The following P2RX7 variants were observed in gnomAD, a reference collection of about 807,000 sequenced individuals.
P2RX7 encodes P2X purinoceptor 7.
A neutral mutation model predicts 71.6 loss-of-function variants in P2RX7; 62 were observed. The observed-to-expected ratio is 0.87, with a 90% CI of 0.71 to 1.07. P2RX7 has a LOEUF of 1.07. Among genes scored for constraint, P2RX7 ranks in the 50% least tolerant of loss-of-function variants. The pLI is 0.00. For synonymous variants in P2RX7, 299 were observed against 283.3 expected (o/e 1.06, Z -0.56); for missense variants, 686 against 748.5 (o/e 0.92, Z 0.97).
intron 1 of P2RX7, among the ~76,000 whole-genome samples, chr12:121,153,404 G>A (rs1877871417): frequency 6.6e-6 from 1 of 152,076 alleles, no homozygotes; most frequent in South Asian, 2.1e-4. Context: ...AGGGCTGGGT[G>A]TGGTGGCTCA....
chr12:121,178,380 T>A (rs1883514528), intron 11 of P2RX7, among the ~76,000 whole-genome samples: 1 of 152,214 alleles, frequency 6.6e-6, no homozygotes, highest in South Asian at 2.1e-4. Flanking sequence ...GGCAAACATT[T>A]ACACAGCACT....
chr12:121,174,745 T>G (rs1472087813), intron 8 of P2RX7, among the ~76,000 whole-genome samples: 2 of 152,068 alleles, frequency 1.3e-5, no homozygotes, highest in East Asian at 3.9e-4. Context: ...GCTTGAAGTT[T>G]TTTTTTTTTA....
rs751583170 is a variant in P2RX7 at position 121,184,608 on chromosome 12, C to T, written c.1594C>T (p.Pro532Ser). The change falls in exon 13 of 13, where the codon CCC (proline) becomes TCC (serine). Residue 532 changes from proline (P) to serine (S), a missense_variant. Coordinates refer to ENST00000328963, the MANE Select transcript of P2RX7 (RefSeq NM_002562.6). ...VLQFLLLYQE[P>S]LLALDVDSTN... ...GCAGTTCCTCCTGCTCTACCAGGAG[C>T]CCTTGCTGGCGCTGGATGTGGATTC... is the stretch of plus-strand genomic sequence containing the variant. 3 of 1,613,156 alleles carry T rather than the reference C, an allele frequency of 1.9e-6. No individual in the cohort carries two copies. The highest frequency in any genetic ancestry group is 1.1e-5 in the South Asian group (1 of 90,924).
At chr12:121,175,310 CAAAAAAA>C in intron 8 of P2RX7, 71 bp from the exon 9 acceptor site, 1 of 463,340 alleles carries the variant, frequency 2.2e-6, no homozygotes, top group Non-Finnish European at 3.6e-6. Context: ...GACCCTGTCT[CAAAAAAA>C]AAAAAAAAAA....
At chr12:121,171,862 C>CTTTCT (rs1555228404) in intron 8 of P2RX7, among the ~76,000 whole-genome samples, 10,949 of 131,032 alleles carry the variant, frequency 0.084, 559 homozygotes, top group Non-Finnish European at 0.094. Flanking sequence ...TTCTTTCTTT[C>CTTTCT]TTTTTTTTTT....
intron 1 of P2RX7, among the ~76,000 whole-genome samples, chr12:121,152,335 T>C (rs1444746564): frequency 6.6e-6 from 1 of 152,042 alleles, no homozygotes; most frequent in Non-Finnish European, 1.5e-5. Context: ...ATTATTTTAT[T>C]ATTATTTTTT....
In P2RX7 at chr12:121,184,875, G is replaced by A. The variant is rs887887878; in HGVS notation, c.*73G>A. 2.1e-5 allele frequency: 26 copies of A among 1,217,966 alleles called. No individual in the cohort carries two copies. Among genetic ancestry groups the A allele is most frequent in the East Asian group, 1.8e-4 (7 of 38,974 alleles). 75.4% of individuals were successfully genotyped at this position (1,217,966 alleles called of 1,614,324 possible). A position where few individuals can be genotyped will look rare whatever the true frequency, so the allele number is the denominator to read the frequency against. Reference sequence around the variant, plus strand: ...CGAGGCAGGCAGATCACCTGAGGTCGGGAGTTGGAGACCCGCCTGGCTAAC... The same window carrying A: ...CGAGGCAGGCAGATCACCTGAGGTCAGGAGTTGGAGACCCGCCTGGCTAAC... On this transcript the variant is annotated 3_prime_UTR_variant, in exon 13 of 13. Coordinates refer to ENST00000328963, the MANE Select transcript of P2RX7 (RefSeq NM_002562.6).
At chr12:121,152,108 T>C (rs1877549359) in intron 1 of P2RX7, among the ~76,000 whole-genome samples, 2 of 151,686 alleles carry the variant, frequency 1.3e-5, no homozygotes, top group Non-Finnish European at 2.9e-5. Flanking sequence ...CCCTCCCGAG[T>C]AGTTGGGATT....
intron 3 of P2RX7, among the ~76,000 whole-genome samples, chr12:121,159,558 T>C (rs1173252061): frequency 6.6e-6 from 1 of 152,168 alleles, no homozygotes; most frequent in Non-Finnish European, 1.5e-5. Context: ...CCTAGGTCCT[T>C]GACCTGAATC....
At chr12:121,178,637 CA>C (rs1460843644) in intron 11 of P2RX7, among the ~76,000 whole-genome samples, 1 of 151,646 alleles carries the variant, frequency 6.6e-6, no homozygotes, top group East Asian at 1.9e-4. Context: ...ACTAAAAATA[CA>C]AAAATTAGCC....
chr12:121,139,637 T>C (rs903284185), intron 1 of P2RX7, among the ~76,000 whole-genome samples: 1 of 151,612 alleles, frequency 6.6e-6, no homozygotes, highest in Admixed American at 6.6e-5. Context: ...TCCAGCTGAG[T>C]AGAAGTGAGC....
At chr12:121,164,180 T>G (rs1184163962) in intron 5 of P2RX7, among the ~76,000 whole-genome samples, 1 of 152,204 alleles carries the variant, frequency 6.6e-6, no homozygotes, top group African/African-American at 2.4e-5. Context: ...TGTGCCTGCC[T>G]CTGGGCTGGA....
intron 1 of P2RX7, among the ~76,000 whole-genome samples, chr12:121,135,077 A>G (rs900913533): frequency 1.3e-5 from 2 of 152,246 alleles, no homozygotes; most frequent in East Asian, 1.9e-4. Context: ...GTGGTGGCTC[A>G]CACCTGTAAT....
At chr12:121,134,156 C>A (rs1257962641) in intron 1 of P2RX7, among the ~76,000 whole-genome samples, 1 of 152,144 alleles carries the variant, frequency 6.6e-6, no homozygotes, top group Non-Finnish European at 1.5e-5. Context: ...GCCACATGAA[C>A]ATTTGTGTAC....
rs1565950743 is a variant in P2RX7, at chr12:121,156,107, T to A, written c.323T>A (p.Phe108Tyr). 1 of 1,614,196 alleles carries A rather than the reference T, an allele frequency of 6.2e-7. No individual in the cohort carries two copies. The highest frequency in any genetic ancestry group is 1.7e-5 in the Admixed American group (1 of 60,028). Residue 108 changes from phenylalanine to tyrosine, a missense_variant, in exon 3 of 13, where the codon TTT becomes TAT. By Grantham distance (22) the Phe-to-Tyr change is conservative. Transcript: ENST00000328963. Reference protein sequence around the residue: ...QGNSFFVMTNFLKTEGQEQRL... With the variant: ...QGNSFFVMTNYLKTEGQEQRL... The stretch of plus-strand genomic sequence containing the variant: ...AACTCTTTCTTCGTGATGACAAACT[T>A]TCTCAAAACAGAAGGCCAAGAGCAG...
At chr12:121,174,048 CTTTTTT>C (rs141344773) in intron 8 of P2RX7, among the ~76,000 whole-genome samples, 4 of 73,912 alleles carry the variant, frequency 5.4e-5, no homozygotes, top group African/African-American at 2.2e-4. Flanking sequence ...CTTTTCTTTT[CTTTTTT>C]TTTTTTTTTT....
chr12:121,141,273 G>T (rs116143798), intron 1 of P2RX7, among the ~76,000 whole-genome samples: 152 of 152,314 alleles, frequency 1.0e-3, no homozygotes, highest in Non-Finnish European at 1.8e-3. Flanking sequence ...AGCTGCCTCC[G>T]CATCTGATTT....
intron 8 of P2RX7, among the ~76,000 whole-genome samples, chr12:121,168,560 T>A (rs1238827865): frequency 2.6e-5 from 4 of 152,172 alleles, no homozygotes; most frequent in Admixed American, 2.6e-4. Flanking sequence ...TGAGCCACTG[T>A]GCCTGGCCCA....
At chr12:121,167,407 C>A (rs772041066) in intron 7 of P2RX7, 81 bp from the exon 8 acceptor site, 2 of 1,536,616 alleles carry the variant, frequency 1.3e-6, no homozygotes, top group Non-Finnish European at 1.8e-6. Context: ...CTTAAGCAAT[C>A]CTGGCTATGC....
Sources: allele counts gnomAD v4.1 joint callset (sites outside exome capture counted in the v4.1 genomes callset), GRCh38; gene constraint gnomAD v4.1.1; transcripts MANE v1.5; gene names NCBI Gene and HGNC (gene_info 2026-07-23, HGNC 2026-07-21).